Variants in TMEM117 observed in about 807,000 individuals in gnomAD.
TMEM117 encodes the protein transmembrane protein 117.
A neutral mutation model predicts 52.4 loss-of-function variants in TMEM117; 27 were observed. The observed-to-expected ratio is 0.51, with a 90% CI of 0.38 to 0.71. The LOEUF is 0.71. Among genes scored for constraint, TMEM117 ranks in the 30% least tolerant of loss-of-function variants. The pLI, the probability that TMEM117 is intolerant of heterozygous loss-of-function variation, is 0.00. For missense variants in TMEM117, 556 were observed against 630.5 expected, an observed-to-expected ratio of 0.88 and a Z score of 1.26; for synonymous variants, 215 against 206.3, an observed-to-expected ratio of 1.04 and a Z score of -0.36.
At position 44,266,430 on chromosome 12, in the gene TMEM117, A is replaced by G. The variant is rs940530946; in HGVS notation, c.609-33150A>G. Among the ~76,000 whole-genome samples the G allele has an allele frequency of 5.3e-5, 8 of 152,114 alleles. 1 individual carries two copies. The highest frequency in any genetic ancestry group is 5.2e-4 in the Admixed American group (8 of 15,272). ...CCATGTTTATATCTTTCCTGGAGAAATGTCTATTTAAAATATTTACCCATT... is the reference window on the plus strand; with the variant it reads ...CCATGTTTATATCTTTCCTGGAGAAGTGTCTATTTAAAATATTTACCCATT... On this transcript the variant is annotated intron_variant, in intron 5 of 7. Coordinates refer to ENST00000266534, the MANE Select transcript of TMEM117 (RefSeq NM_032256.3).
chr12:43,974,026 T>C (rs17552264), intron 3 of TMEM117, among the ~76,000 whole-genome samples: 3,460 of 152,312 alleles, frequency 0.023, 59 homozygotes, highest in Non-Finnish European at 0.036. Context: ...TGGCTCTTTC[T>C]GCAAAACTTC....
At chr12:44,285,638 G>T (rs11182460) in intron 5 of TMEM117, among the ~76,000 whole-genome samples, 5,911 of 152,280 alleles carry the variant, frequency 0.039, 383 homozygotes, top group African/African-American at 0.13. Context: ...GACCTCATCA[G>T]CTGGGCTTCA....
chr12:44,166,451 A>T (rs181956327), intron 4 of TMEM117, among the ~76,000 whole-genome samples: 1 of 152,192 alleles, frequency 6.6e-6, no homozygotes, highest in Admixed American at 6.5e-5. Flanking sequence ...GAAGTTTCAC[A>T]TTGTGTTTGG....
At chr12:44,322,090 C>A (rs1402851702) in intron 6 of TMEM117, among the ~76,000 whole-genome samples, 1 of 152,086 alleles carries the variant, frequency 6.6e-6, no homozygotes, top group African/African-American at 2.4e-5. Flanking sequence ...GTAACAAGGG[C>A]GTAATTTCAT....
intron 3 of TMEM117, among the ~76,000 whole-genome samples, chr12:44,014,410 A>C (rs1400699230): frequency 6.6e-6 from 1 of 152,090 alleles, no homozygotes; most frequent in Non-Finnish European, 1.5e-5. Flanking sequence ...TCATAACCTA[A>C]CATGAAGTGT....
intron 2 of TMEM117, among the ~76,000 whole-genome samples, chr12:43,889,707 G>C (rs1201139273): frequency 6.6e-6 from 1 of 152,120 alleles, no homozygotes; most frequent in Non-Finnish European, 1.5e-5. Flanking sequence ...ACTGTTGAGG[G>C]ACAGACTATA....
intron 5 of TMEM117, among the ~76,000 whole-genome samples, chr12:44,251,219 A>G (rs535374709): frequency 9.8e-5 from 15 of 152,296 alleles, no homozygotes; most frequent in African/African-American, 3.4e-4. Context: ...TATTAAAGGA[A>G]AAAGCTGAAG....
At chr12:43,802,223 T>C in the TMEM117 span, 1 of 1,161,686 alleles carries the variant, frequency 8.6e-7, no homozygotes, top group African/African-American at 1.6e-5. Context: ...TTATTTGACC[T>C]AGAAATTTCA....
chr12:43,819,537 G>A, the TMEM117 span, among the ~76,000 whole-genome samples: 3 of 152,276 alleles, frequency 2.0e-5, no homozygotes, highest in African/African-American at 7.2e-5. Flanking sequence ...CGCTTTGGGA[G>A]GTTGAGGCAG....
chr12:44,360,189 T>C (rs1951701967), intron 6 of TMEM117, among the ~76,000 whole-genome samples: 1 of 152,120 alleles, frequency 6.6e-6, no homozygotes, highest in South Asian at 2.1e-4. Flanking sequence ...ATTTTTCTTA[T>C]TAATTATGGA....
In TMEM117 at chr12:44,053,892, G is replaced by T. The variant is rs375238194; in HGVS notation, c.411-89633G>T. ...TTATTTTAACATCTTATTATAGAATGAAAATGCAACAGAACTATTGCAACA... is the reference window on the plus strand; with the variant it reads ...TTATTTTAACATCTTATTATAGAATTAAAATGCAACAGAACTATTGCAACA... On this transcript the variant is annotated intron_variant, in intron 3 of 7. Transcript: ENST00000266534. Among the ~76,000 whole-genome samples the T allele has an allele frequency of 4.1e-4, 63 of 152,282 alleles. No homozygotes were observed. The South Asian group carries it at 0.013, about 31-fold the overall frequency.
At chr12:44,010,423 TC>T in intron 3 of TMEM117, among the ~76,000 whole-genome samples, 1 of 152,228 alleles carries the variant, frequency 6.6e-6, no homozygotes, top group Non-Finnish European at 1.5e-5. Flanking sequence ...CAAGTGAAGC[TC>T]CAAGATTTTC....
intron 6 of TMEM117, among the ~76,000 whole-genome samples, chr12:44,351,742 G>T (rs562145207): frequency 3.1e-4 from 47 of 151,922 alleles, no homozygotes; most frequent in South Asian, 2.3e-3. Context: ...TTTGCTTGTG[G>T]ATGTTTGACT....
rs534496130 is a variant in TMEM117 at position 43,960,766 on chromosome 12, A to T, written c.410+16424A>T. On this transcript the variant is annotated intron_variant, in intron 3 of 7. Coordinates refer to ENST00000266534, the MANE Select transcript of TMEM117 (RefSeq NM_032256.3). ...CCCCATCTTAACTACATAGAGCAAA[A>T]ATAATGCGGAAACGTTAGACAGTTT... is the stretch of plus-strand genomic sequence containing the variant. Among the ~76,000 whole-genome samples, 29 of 152,336 alleles carry T rather than the reference A, an allele frequency of 1.9e-4. 2 individuals are homozygous for T. The highest frequency in any genetic ancestry group is 7.0e-4 in the African/African-American group (29 of 41,570).
chr12:44,027,708 G>A (rs1946564377), intron 3 of TMEM117, among the ~76,000 whole-genome samples: 1 of 152,134 alleles, frequency 6.6e-6, no homozygotes, highest in Admixed American at 6.5e-5. Flanking sequence ...TAAATGGATG[G>A]TAGAGGTTTA....
At chr12:43,951,478 G>A (rs1258813779) in intron 3 of TMEM117, among the ~76,000 whole-genome samples, 2 of 152,184 alleles carry the variant, frequency 1.3e-5, no homozygotes, top group Admixed American at 6.5e-5. Flanking sequence ...CCATTACTGT[G>A]GCTTCAGTAG....
intron 5 of TMEM117, among the ~76,000 whole-genome samples, chr12:44,218,501 A>G (rs921868386): frequency 2.0e-4 from 30 of 152,212 alleles, no homozygotes; most frequent in Non-Finnish European, 1.5e-4. Flanking sequence ...GATAAAGGTC[A>G]TACATGAAAA....
intron 6 of TMEM117, among the ~76,000 whole-genome samples, chr12:44,374,997 A>G (rs919975460): frequency 6.6e-6 from 1 of 152,174 alleles, no homozygotes; most frequent in African/African-American, 2.4e-5. Flanking sequence ...GCAAAATACT[A>G]AATTCAATGT....
intron 3 of TMEM117, among the ~76,000 whole-genome samples, chr12:43,966,981 G>T (rs937844972): frequency 1.3e-5 from 2 of 152,182 alleles, no homozygotes; most frequent in Non-Finnish European, 2.9e-5. Flanking sequence ...TAACTGTGTA[G>T]TGGGCAGCCT....
Sources: allele counts gnomAD v4.1 joint callset (sites outside exome capture counted in the v4.1 genomes callset), GRCh38; gene constraint gnomAD v4.1.1; transcripts MANE v1.5; gene names NCBI Gene and HGNC (gene_info 2026-07-23, HGNC 2026-07-21).